The following ADAM32 variants were observed in gnomAD, a reference collection of about 807,000 sequenced individuals.
ADAM32 encodes disintegrin and metalloproteinase domain-containing protein 32.
Under a neutral mutation model 114.9 loss-of-function variants are expected in ADAM32, and 89 were observed. The ratio of observed to expected loss-of-function variants is 0.77; its 90% confidence interval spans 0.65 to 0.92. The LOEUF (loss-of-function observed/expected upper bound fraction) is 0.92. Among genes scored for constraint, ADAM32 ranks in the 40% least tolerant of loss-of-function variants. The pLI is 0.00. For missense variants in ADAM32, 870 were observed against 932.8 expected (o/e 0.93, Z 0.88); for synonymous variants, 285 against 307.5 (o/e 0.93, Z 0.77).
At chr8:39,214,787 T>G (rs1489760473) in intron 12 of ADAM32, among the ~76,000 whole-genome samples, 1 of 152,088 alleles carries the variant, frequency 6.6e-6, no homozygotes, top group African/African-American at 2.4e-5. Flanking sequence ...GGAGACTTTC[T>G]CTAATGTTTT....
chr8:39,164,521 C>A (rs922567040), intron 7 of ADAM32, among the ~76,000 whole-genome samples: 1 of 152,126 alleles, frequency 6.6e-6, no homozygotes, highest in African/African-American at 2.4e-5. Flanking sequence ...TAAATCCATT[C>A]TTTGTTTTGA....
At chr8:39,231,619 C>T (rs1316080238) in intron 14 of ADAM32, among the ~76,000 whole-genome samples, 1 of 152,024 alleles carries the variant, frequency 6.6e-6, no homozygotes, top group Non-Finnish European at 1.5e-5. Flanking sequence ...ATTTAGACTA[C>T]CTGAAGATAC....
intron 19 of ADAM32, among the ~76,000 whole-genome samples, chr8:39,267,824 G>T (rs1431560703): frequency 2.6e-5 from 4 of 152,214 alleles, no homozygotes; most frequent in Non-Finnish European, 4.4e-5. Context: ...TGGTGGGAAG[G>T]TGGGAAGATC....
chr8:39,224,853 C>T (rs1413959093), intron 14 of ADAM32, among the ~76,000 whole-genome samples: 1 of 152,064 alleles, frequency 6.6e-6, no homozygotes, highest in Admixed American at 6.6e-5. Context: ...AACCCTCTGG[C>T]AGCACGGCAG....
intron 13 of ADAM32, among the ~76,000 whole-genome samples, chr8:39,222,057 G>A (rs1358598244): frequency 6.6e-6 from 1 of 151,940 alleles, no homozygotes; most frequent in Non-Finnish European, 1.5e-5. Flanking sequence ...ATCTATTTAT[G>A]TGTAATTGAA....
At chr8:39,260,643 G>T (rs1182792816) in intron 19 of ADAM32, among the ~76,000 whole-genome samples, 1 of 152,026 alleles carries the variant, frequency 6.6e-6, no homozygotes, top group Non-Finnish European at 1.5e-5. Context: ...TTCTGTTAAA[G>T]TCAGTTCACT....
chr8:39,156,443 C>G (rs1196750363), intron 6 of ADAM32, among the ~76,000 whole-genome samples: 1 of 152,182 alleles, frequency 6.6e-6, no homozygotes, highest in Admixed American at 6.5e-5. Flanking sequence ...CTGCACCCAG[C>G]TATAATAATA....
intron 1 of ADAM32, among the ~76,000 whole-genome samples, chr8:39,113,124 A>G (rs948142497): frequency 3.3e-5 from 5 of 152,186 alleles, no homozygotes; most frequent in Non-Finnish European, 5.9e-5. Context: ...CTCTTGAAGC[A>G]CTGTCTTGAC....
At chr8:39,208,337 T>C (rs146694361) in intron 11 of ADAM32, among the ~76,000 whole-genome samples, 112 of 152,286 alleles carry the variant, frequency 7.4e-4, no homozygotes, top group African/African-American at 2.4e-3. Context: ...TTTTGACTTT[T>C]TGATCTCTAA....
chr8:39,121,947 G>C (rs1322778896), intron 2 of ADAM32, among the ~76,000 whole-genome samples: 1 of 152,148 alleles, frequency 6.6e-6, no homozygotes, highest in Non-Finnish European at 1.5e-5. Context: ...CTAGGTTTTG[G>C]ACTTTGTTGG....
rs1804397077 is a variant in ADAM32 at position 39,160,025 on chromosome 8, C to A, written c.526-872C>A. On this transcript the variant is annotated intron_variant, in intron 6 of 24. Transcript: ENST00000379907. ...TTTCTGGGGCAATTGCGTGAATAGG[C>A]CATTTGCTCTTATCATCTGGCAGTC... is the stretch of plus-strand genomic sequence containing the variant. Among the ~76,000 whole-genome samples the A allele has an allele frequency of 2.0e-5, 3 of 152,088 alleles. No homozygotes were observed. The South Asian group carries it at 6.2e-4, about 32-fold the overall frequency.
chr8:39,143,215 G>A (rs890111966), intron 3 of ADAM32, among the ~76,000 whole-genome samples: 3 of 152,128 alleles, frequency 2.0e-5, no homozygotes, highest in African/African-American at 4.8e-5. Flanking sequence ...CTGTCAACTC[G>A]TCAAACTCAT....
At chr8:39,187,524 G>A (rs1247076226) in intron 11 of ADAM32, among the ~76,000 whole-genome samples, 5 of 152,186 alleles carry the variant, frequency 3.3e-5, no homozygotes, top group Admixed American at 6.5e-5. Context: ...GCCCGCCTCG[G>A]CCTCCCAAAG....
At chr8:39,223,607 A>C (rs927735416) in intron 14 of ADAM32, 1 of 145,358 alleles carries the variant, frequency 6.9e-6, no homozygotes, top group African/African-American at 2.6e-5. Context: ...GTTGATTAAC[A>C]TGTCCATCAT....
intron 16 of ADAM32, among the ~76,000 whole-genome samples, chr8:39,236,631 A>G (rs915284229): frequency 1.3e-5 from 2 of 152,174 alleles, no homozygotes; most frequent in Non-Finnish European, 2.9e-5. Context: ...AGCGTGGTAC[A>G]TTTGTAATAA....
chr8:39,274,401 T>A (rs1439150573), intron 21 of ADAM32, 51 bp downstream of exon 21: 2 of 1,553,156 alleles, frequency 1.3e-6, no homozygotes, highest in Non-Finnish European at 1.8e-6. Flanking sequence ...ATTAAGAATT[T>A]ATTGATAATT....
chr8:39,149,514 G>A (rs1465351008), intron 4 of ADAM32, among the ~76,000 whole-genome samples: 1 of 152,098 alleles, frequency 6.6e-6, no homozygotes, highest in Non-Finnish European at 1.5e-5. Flanking sequence ...CTAAATTTAT[G>A]TACTGGAAGA....
chr8:39,182,935 G>A (rs1805994600), intron 10 of ADAM32, among the ~76,000 whole-genome samples: 2 of 152,134 alleles, frequency 1.3e-5, no homozygotes, highest in African/African-American at 4.8e-5. Context: ...CCTTGGTGTT[G>A]GGTTCTCTAG....
At chr8:39,128,805 T>C (rs964828262) in intron 2 of ADAM32, among the ~76,000 whole-genome samples, 12 of 152,332 alleles carry the variant, frequency 7.9e-5, no homozygotes, top group African/African-American at 2.4e-4. Context: ...AAATTCTATG[T>C]TGGAAATTCT....
Sources: allele counts gnomAD v4.1 joint callset (sites outside exome capture counted in the v4.1 genomes callset), GRCh38; gene constraint gnomAD v4.1.1; transcripts MANE v1.5; gene names NCBI Gene and HGNC (gene_info 2026-07-23, HGNC 2026-07-21).